NRXN1: variants seen among roughly 807,000 people sequenced by gnomAD.
NRXN1 encodes the protein neurexin-1.
NRXN1 carries 39 observed loss-of-function variants against 150.9 expected under a neutral mutation model. The ratio of observed to expected loss-of-function variants is 0.26; its 90% CI spans 0.20 to 0.34. The LOEUF is 0.34. Among genes scored for constraint, NRXN1 ranks in the 10% least tolerant of loss-of-function variants. NRXN1 has a pLI of 1.00. For missense variants in NRXN1, 1,815 were observed against 1,949.9 expected (o/e 0.93, Z 1.30); for synonymous variants, 924 against 757.0 (o/e 1.22, Z -3.62).
chr2:50,599,391 A>G (rs868011855), intron 8 of NRXN1, among the ~76,000 whole-genome samples: 5 of 152,344 alleles, frequency 3.3e-5, no homozygotes, highest in Middle Eastern at 3.4e-3. Context: ...TAATAAAGAA[A>G]TATGTTTACC....
At chr2:50,758,789 C>T (rs1701452010) in intron 5 of NRXN1, among the ~76,000 whole-genome samples, 1 of 151,856 alleles carries the variant, frequency 6.6e-6, no homozygotes, top group Admixed American at 6.6e-5. Context: ...CCTTGGAGAG[C>T]TCTCACTCAT....
intron 8 of NRXN1, among the ~76,000 whole-genome samples, chr2:50,595,395 T>A (rs1265314249): frequency 1.3e-5 from 2 of 150,296 alleles, no homozygotes; most frequent in African/African-American, 4.9e-5. Flanking sequence ...ATCCCTTGAT[T>A]ATGATTTATG....
chr2:50,507,593 T>A, intron 12 of NRXN1, among the ~76,000 whole-genome samples: 1 of 121,282 alleles, frequency 8.2e-6, no homozygotes. Flanking sequence ...AGGTGTTTGG[T>A]AGAAATTATT....
intron 5 of NRXN1, among the ~76,000 whole-genome samples, chr2:50,783,483 A>C (rs1025858430): frequency 2.0e-5 from 3 of 152,098 alleles, no homozygotes; most frequent in Admixed American, 6.6e-5. Flanking sequence ...TCAGAGAATA[A>C]AACAAAATCA....
rs576712984 is a variant in NRXN1 at position 50,811,819 on chromosome 2, AAT to A, written c.832+110048_832+110049del. Among the ~76,000 whole-genome samples the A allele has an allele frequency of 2.6e-5, 4 of 152,196 alleles. No homozygotes were observed. In the South Asian group the frequency reaches 8.3e-4, roughly 31 times the overall value. On this transcript the variant is annotated intron_variant, in intron 5 of 22. Coordinates refer to ENST00000401669, the MANE Select transcript of NRXN1 (RefSeq NM_001330078.2). ...GAAAGATGATCATGTCTAATGAATA[AAT>A]TGATTTCTGCTGGAGTAAATAGGTC...
At chr2:50,931,570 A>G (rs1158273461) in intron 2 of NRXN1, among the ~76,000 whole-genome samples, 2 of 152,048 alleles carry the variant, frequency 1.3e-5, no homozygotes, top group Non-Finnish European at 2.9e-5. Flanking sequence ...TCTTCACTTC[A>G]ATAGGACCCT....
chr2:50,607,131 A>C (rs766036716), intron 8 of NRXN1, among the ~76,000 whole-genome samples: 46 of 152,304 alleles, frequency 3.0e-4, no homozygotes, highest in Middle Eastern at 3.4e-3. Context: ...AAAATGCCAT[A>C]AAATTCTGAT....
intron 15 of NRXN1, among the ~76,000 whole-genome samples, chr2:50,482,786 TA>T (rs1256027583): frequency 6.6e-6 from 1 of 152,008 alleles, no homozygotes; most frequent in African/African-American, 2.4e-5. Context: ...ACCTTGCTGA[TA>T]AAACAGAATG....
chr2:50,254,378 T>C (rs1208358513), intron 17 of NRXN1, among the ~76,000 whole-genome samples: 3 of 151,838 alleles, frequency 2.0e-5, no homozygotes, highest in African/African-American at 4.9e-5. Context: ...CTGGATTCAT[T>C]GATTTTTTGA....
intron 8 of NRXN1, among the ~76,000 whole-genome samples, chr2:50,555,335 C>T (rs954753614): frequency 3.3e-4 from 50 of 152,030 alleles, no homozygotes; most frequent in African/African-American, 1.0e-3. Flanking sequence ...TGACATCAGC[C>T]ACCACAAAGT....
intron 5 of NRXN1, chr2:50,656,314 T>C (rs1377913642): frequency 1.3e-6 from 1 of 746,352 alleles, no homozygotes; most frequent in Admixed American, 1.8e-5. Context: ...GTATCAATTT[T>C]AAAAGTAACA....
At chr2:50,725,124 A>C (rs1697176298) in intron 5 of NRXN1, among the ~76,000 whole-genome samples, 1 of 152,192 alleles carries the variant, frequency 6.6e-6, no homozygotes, top group Non-Finnish European at 1.5e-5. Context: ...TGTGAATTAG[A>C]GTAATAGAAA....
chr2:50,450,512 G>A (rs1328117380), intron 17 of NRXN1, among the ~76,000 whole-genome samples: 1 of 151,854 alleles, frequency 6.6e-6, no homozygotes, highest in Non-Finnish European at 1.5e-5. Context: ...CTTCTTTGAG[G>A]CAGGGACCCA....
At chr2:50,398,413 G>A (rs77806657) in intron 17 of NRXN1, among the ~76,000 whole-genome samples, 2,230 of 152,036 alleles carry the variant, frequency 0.015, 54 homozygotes, top group African/African-American at 0.049. Flanking sequence ...TCAAGCATTG[G>A]AATCCTACTC....
At chr2:50,529,245 G>T (rs1037208207) in intron 11 of NRXN1, among the ~76,000 whole-genome samples, 1 of 152,162 alleles carries the variant, frequency 6.6e-6, no homozygotes, top group African/African-American at 2.4e-5. Context: ...GTTAATTGGA[G>T]GAGGAAAGAA....
intron 21 of NRXN1, among the ~76,000 whole-genome samples, chr2:50,051,854 G>C (rs1430236973): frequency 6.6e-6 from 1 of 152,022 alleles, no homozygotes; most frequent in African/African-American, 2.4e-5. Context: ...ATATATATTT[G>C]TGAACACCCT....
intron 18 of NRXN1, among the ~76,000 whole-genome samples, chr2:50,111,225 T>A (rs1272558096): frequency 1.3e-5 from 2 of 152,290 alleles, no homozygotes; most frequent in East Asian, 3.9e-4. Flanking sequence ...CAAACTCTCA[T>A]GTGATAACAG....
At chr2:50,190,273 T>C (rs535484409) in intron 18 of NRXN1, among the ~76,000 whole-genome samples, 1 of 152,298 alleles carries the variant, frequency 6.6e-6, no homozygotes, top group South Asian at 2.1e-4. Flanking sequence ...ATATATGTAT[T>C]TTTTTCTTAA....
intron 5 of NRXN1, among the ~76,000 whole-genome samples, chr2:50,666,872 GA>G (rs879511771): frequency 0.025 from 2,117 of 85,362 alleles, 17 homozygotes; most frequent in Middle Eastern, 0.069. Flanking sequence ...TGATGATGAT[GA>G]TGATGATGTG....
Sources: gnomAD v4.1 joint callset for allele counts (sites outside exome capture counted in the v4.1 genomes callset) on GRCh38, gnomAD v4.1.1 for gene constraint, MANE v1.5 for transcripts, NCBI Gene and HGNC (gene_info 2026-07-23, HGNC 2026-07-21) for gene names.